The following CDC14A variants were observed in gnomAD, a reference collection of about 807,000 sequenced individuals.
The protein encoded by CDC14A is cell division cycle 14A, also known as dual specificity protein phosphatase CDC14A.
In CDC14A, 53 loss-of-function variants were observed where a neutral mutation model predicts 74.4. The observed-to-expected ratio is 0.71, with a 90% confidence interval of 0.57 to 0.89. The LOEUF is 0.89. Among genes scored for constraint, CDC14A ranks in the 40% least tolerant of loss-of-function variants. The probability of loss-of-function intolerance (pLI) is 0.00; values close to 1 mark genes in which losing one functional copy is unlikely to be tolerated. For synonymous variants in CDC14A, 247 were observed against 258.4 expected, an observed-to-expected ratio of 0.96 and a Z score of 0.43; for missense variants, 646 against 713.7, an observed-to-expected ratio of 0.91 and a Z score of 1.08.
chr1:100,456,736 A>T (rs1666736589), intron 8 of CDC14A, among the ~76,000 whole-genome samples: 1 of 152,088 alleles, frequency 6.6e-6, no homozygotes, highest in African/African-American at 2.4e-5. Flanking sequence ...TTATAATTTG[A>T]GCTTTCATAA....
chr1:100,393,417 T>G (rs1657983497), intron 4 of CDC14A: 2 of 799,662 alleles, frequency 2.5e-6, no homozygotes, highest in Admixed American at 1.7e-5. Flanking sequence ...AATGCCATTT[T>G]TTTGACCAGA....
chr1:100,484,520 A>G, intron 11 of CDC14A, 69 bp downstream of exon 11: 1 of 1,490,588 alleles, frequency 6.7e-7, no homozygotes, highest in South Asian at 1.5e-5. Flanking sequence ...AGTTGGACCT[A>G]TATAACATAG....
intron 8 of CDC14A, among the ~76,000 whole-genome samples, chr1:100,459,126 C>CAGAGAGAGAGAG (rs112078644): frequency 6.9e-6 from 1 of 144,576 alleles, no homozygotes; most frequent in African/African-American, 2.6e-5. Flanking sequence ...CACACACACA[C>CAGAGAGAGAGAG]AGAGAGAGAG....
chr1:100,421,230 C>T (rs1662324655), intron 4 of CDC14A, among the ~76,000 whole-genome samples: 1 of 152,002 alleles, frequency 6.6e-6, no homozygotes, highest in Non-Finnish European at 1.5e-5. Context: ...TCTTTCTTTC[C>T]CCTTAGGAGC....
chr1:100,476,555 C>CT (rs1302909038), intron 10 of CDC14A, among the ~76,000 whole-genome samples: 1 of 151,792 alleles, frequency 6.6e-6, no homozygotes, highest in Non-Finnish European at 1.5e-5. Context: ...CATTTCGTTA[C>CT]TTAGGTCTCA....
intron 5 of CDC14A, among the ~76,000 whole-genome samples, chr1:100,426,720 ATTTC>A (rs1187422325): frequency 7.9e-5 from 12 of 152,262 alleles, no homozygotes; most frequent in African/African-American, 2.9e-4. Flanking sequence ...TCAGTCTAGA[ATTTC>A]TTTATGCACG....
intron 4 of CDC14A, among the ~76,000 whole-genome samples, chr1:100,412,726 T>TATATATATATATATAAA (rs1660966679): frequency 2.5e-5 from 2 of 80,238 alleles, no homozygotes; most frequent in Non-Finnish European, 4.3e-5. Flanking sequence ...ATATATATTT[T>TATATATATATATATAAA]ATATATATAT....
intron 15 of CDC14A, chr1:100,499,515 G>T: frequency 8.2e-7 from 1 of 1,218,266 alleles, no homozygotes; most frequent in East Asian, 2.6e-5. Context: ...TTTTTAAGTA[G>T]TTTCTCTTAA....
intron 5 of CDC14A, among the ~76,000 whole-genome samples, chr1:100,436,098 C>T (rs1052224003): frequency 6.6e-6 from 1 of 152,080 alleles, no homozygotes; most frequent in African/African-American, 2.4e-5. Context: ...TGCTGTTTTC[C>T]TAACTCCTGA....
intron 15 of CDC14A, among the ~76,000 whole-genome samples, chr1:100,502,003 A>G (rs1334918736): frequency 6.6e-6 from 1 of 152,234 alleles, no homozygotes; most frequent in Non-Finnish European, 1.5e-5. Context: ...AGTGATTGGG[A>G]GTTGATAAAA....
intron 3 of CDC14A, among the ~76,000 whole-genome samples, chr1:100,388,985 G>A (rs1657264206): frequency 6.6e-6 from 1 of 152,152 alleles, no homozygotes; most frequent in South Asian, 2.1e-4. Flanking sequence ...GACCAGCCTG[G>A]ACAACATGGT....
At chr1:100,388,251 G>A (rs1657148294) in intron 3 of CDC14A, among the ~76,000 whole-genome samples, 1 of 152,316 alleles carries the variant, frequency 6.6e-6, no homozygotes, top group Non-Finnish European at 1.5e-5. Flanking sequence ...GGTCTGAAGA[G>A]CCTTTATTTC....
At chr1:100,410,377 G>A (rs560478439) in intron 4 of CDC14A, among the ~76,000 whole-genome samples, 4 of 151,858 alleles carry the variant, frequency 2.6e-5, no homozygotes, top group Admixed American at 1.3e-4. Context: ...GCTGGTGTGC[G>A]GTGGCACAAT....
intron 2 of CDC14A, among the ~76,000 whole-genome samples, chr1:100,356,063 G>A (rs1433596264): frequency 2.0e-5 from 3 of 151,920 alleles, no homozygotes; most frequent in Non-Finnish European, 2.9e-5. Flanking sequence ...GGCTTGGGAC[G>A]TGTGTTCAGG....
chr1:100,347,578 C>T (rs995233707), upstream of CDC14A, among the ~76,000 whole-genome samples: 13 of 152,164 alleles, frequency 8.5e-5, no homozygotes, highest in African/African-American at 2.9e-4. Context: ...ATGAGTCATG[C>T]TATCTATTTT....
intron 10 of CDC14A, among the ~76,000 whole-genome samples, chr1:100,475,324 G>A (rs762541484): frequency 2.6e-5 from 4 of 152,084 alleles, no homozygotes; most frequent in Non-Finnish European, 4.4e-5. Flanking sequence ...GTAATTGTTT[G>A]TTGGGGCATT....
chr1:100,498,595 C>A (rs1342939147), intron 14 of CDC14A, among the ~76,000 whole-genome samples: 2 of 152,146 alleles, frequency 1.3e-5, no homozygotes, highest in Non-Finnish European at 2.9e-5. Flanking sequence ...TTTTAATGCT[C>A]CCCTTACATG....
chr1:100,413,011 C>T (rs1350957715), intron 4 of CDC14A, among the ~76,000 whole-genome samples: 14 of 151,070 alleles, frequency 9.3e-5, no homozygotes, highest in African/African-American at 3.4e-4. Flanking sequence ...GAGCTGAGAT[C>T]GTGCCACTGC....
At chr1:100,479,508 G>C (rs1253707885) in intron 10 of CDC14A, among the ~76,000 whole-genome samples, 1 of 151,932 alleles carries the variant, frequency 6.6e-6, no homozygotes, top group Non-Finnish European at 1.5e-5. Context: ...TCCTTTTATG[G>C]TTTTCTTTTA....
Sources: allele counts gnomAD v4.1 joint callset (sites outside exome capture counted in the v4.1 genomes callset), GRCh38; gene constraint gnomAD v4.1.1; transcripts MANE v1.5; gene names NCBI Gene and HGNC (gene_info 2026-07-23, HGNC 2026-07-21).